The following MAP2K1 variants were observed in gnomAD, a reference collection of about 807,000 sequenced individuals.
MAP2K1 encodes the protein dual specificity mitogen-activated protein kinase kinase 1.
A neutral mutation model predicts 46.3 loss-of-function variants in MAP2K1; 16 were observed. The observed-to-expected ratio is 0.35, with a 90% CI of 0.23 to 0.52. The LOEUF is 0.52. MAP2K1 is among the 20% of genes least tolerant of loss of function. The pLI, the probability that MAP2K1 is intolerant of heterozygous loss-of-function variation, is 0.94. For missense variants in MAP2K1, 263 were observed against 497.1 expected (o/e 0.53, Z 4.48); for synonymous variants, 183 against 185.6 (o/e 0.99, Z 0.11).
At chr15:66,402,034 A>G (rs1262571999) in intron 1 of MAP2K1, 2 of 1,312,508 alleles carry the variant, frequency 1.5e-6, no homozygotes, top group East Asian at 4.0e-5. Flanking sequence ...ATTTTAAAGT[A>G]TTTCTGAGTA....
intron 5 of MAP2K1, among the ~76,000 whole-genome samples, chr15:66,480,414 G>A (rs1401436062): frequency 6.6e-6 from 1 of 152,100 alleles, no homozygotes; most frequent in Non-Finnish European, 1.5e-5. Context: ...TCCTTGGAAA[G>A]ATACTTAAAT....
intron 8 of MAP2K1, among the ~76,000 whole-genome samples, chr15:66,488,124 C>T (rs1379773745): frequency 1.3e-5 from 2 of 152,140 alleles, no homozygotes; most frequent in African/African-American, 4.8e-5. Flanking sequence ...TGTTCTACTG[C>T]AGCCTCTGCT....
At chr15:66,488,868 G>C (rs1221503273) in intron 8 of MAP2K1, 2 of 370,538 alleles carry the variant, frequency 5.4e-6, no homozygotes, top group African/African-American at 2.1e-5. Context: ...AGCTTGAAAG[G>C]GTCCCTGAGA....
At chr15:66,422,679 A>T (rs1288960885) in intron 1 of MAP2K1, among the ~76,000 whole-genome samples, 1 of 152,140 alleles carries the variant, frequency 6.6e-6, no homozygotes, top group African/African-American at 2.4e-5. Flanking sequence ...TAGCAGTTTG[A>T]CTATGATGTG....
At chr15:66,425,905 A>G (rs899547257) in intron 1 of MAP2K1, among the ~76,000 whole-genome samples, 1 of 152,250 alleles carries the variant, frequency 6.6e-6, no homozygotes, top group Admixed American at 6.5e-5. Context: ...TCTTGGATCC[A>G]CATTTCAGTC....
intron 5 of MAP2K1, among the ~76,000 whole-genome samples, chr15:66,473,912 C>T (rs1892697936): frequency 6.6e-6 from 1 of 152,110 alleles, no homozygotes; most frequent in African/African-American, 2.4e-5. Context: ...GAACTCCTGG[C>T]CTCTAGCAAT....
intron 1 of MAP2K1, chr15:66,415,221 G>T: frequency 2.2e-6 from 1 of 454,046 alleles, no homozygotes; most frequent in Non-Finnish European, 4.3e-6. Context: ...GGTGTCCACT[G>T]TCCCTGTGTC....
intron 1 of MAP2K1, chr15:66,402,021 A>G: frequency 1.5e-6 from 2 of 1,329,088 alleles, no homozygotes; most frequent in Non-Finnish European, 2.0e-6. Context: ...TTCCTTTCTG[A>G]TCATTTTAAA....
intron 1 of MAP2K1, among the ~76,000 whole-genome samples, chr15:66,430,870 AC>A (rs2093473441): frequency 6.6e-6 from 1 of 152,158 alleles, no homozygotes; most frequent in Admixed American, 6.5e-5. Flanking sequence ...ATTTCCTTGC[AC>A]CTCACTGGTG....
chr15:66,419,245 C>T (rs1248068994), intron 1 of MAP2K1, among the ~76,000 whole-genome samples: 3 of 151,862 alleles, frequency 2.0e-5, no homozygotes, highest in Non-Finnish European at 2.9e-5. Flanking sequence ...TCTGGCTGGG[C>T]GCGGTGGCTC....
intron 1 of MAP2K1, among the ~76,000 whole-genome samples, chr15:66,402,984 G>A (rs1274854634): frequency 3.3e-5 from 5 of 152,146 alleles, no homozygotes; most frequent in African/African-American, 1.2e-4. Flanking sequence ...GTGAAAAAAG[G>A]AAGCAGCTGC....
chr15:66,432,831 T>C (rs2093478083), intron 1 of MAP2K1, among the ~76,000 whole-genome samples: 1 of 152,208 alleles, frequency 6.6e-6, no homozygotes, highest in Admixed American at 6.5e-5. Flanking sequence ...AGTTTGCTCA[T>C]CTGTTCTAAT....
intron 1 of MAP2K1, among the ~76,000 whole-genome samples, chr15:66,398,101 A>G (rs1229890272): frequency 4.2e-5 from 6 of 142,516 alleles, no homozygotes; most frequent in Admixed American, 2.1e-4. Context: ...GATTCCATCT[A>G]AAAAAAAAAA....
intron 8 of MAP2K1, among the ~76,000 whole-genome samples, chr15:66,487,724 G>C (rs930801863): frequency 2.6e-5 from 4 of 152,174 alleles, no homozygotes; most frequent in African/African-American, 9.7e-5. Flanking sequence ...AGCAGTTTCA[G>C]GATTAGTTCG....
intron 5 of MAP2K1, among the ~76,000 whole-genome samples, chr15:66,478,253 A>AT (rs1567023568): frequency 0.012 from 1,767 of 146,880 alleles, 44 homozygotes; most frequent in African/African-American, 0.043. Flanking sequence ...TATATATATA[A>AT]AAATCTGTGT....
At chr15:66,457,123 T>G (rs967376652) in intron 5 of MAP2K1, among the ~76,000 whole-genome samples, 11 of 152,184 alleles carry the variant, frequency 7.2e-5, no homozygotes, top group Non-Finnish European at 1.6e-4. Context: ...AATTTATTAT[T>G]ATTTTTATTT....
intron 6 of MAP2K1, among the ~76,000 whole-genome samples, chr15:66,484,211 G>A (rs1205369854): frequency 6.7e-6 from 1 of 149,950 alleles, no homozygotes; most frequent in African/African-American, 2.5e-5. Context: ...GCAGTGGTGC[G>A]ATCTTGGCTC....
chr15:66,436,462 T>C (rs573544376), intron 2 of MAP2K1, among the ~76,000 whole-genome samples: 6 of 152,194 alleles, frequency 3.9e-5, no homozygotes, highest in Non-Finnish European at 5.9e-5. Context: ...TCAATTTCTT[T>C]TCATATCTGA....
At chr15:66,429,893 T>C (rs2093470713) in intron 1 of MAP2K1, among the ~76,000 whole-genome samples, 1 of 152,114 alleles carries the variant, frequency 6.6e-6, no homozygotes, top group Non-Finnish European at 1.5e-5. Flanking sequence ...CCCCTGTCCA[T>C]TGAAGCTCCT....
Sources: gnomAD v4.1 joint callset for allele counts (sites outside exome capture counted in the v4.1 genomes callset) on GRCh38, gnomAD v4.1.1 for gene constraint, MANE v1.5 for transcripts, NCBI Gene and HGNC (gene_info 2026-07-23, HGNC 2026-07-21) for gene names.